The following ORC5 variants were observed in gnomAD, a reference collection of about 807,000 sequenced individuals.
The protein encoded by ORC5 is origin recognition complex subunit 5.
In ORC5, 39 loss-of-function variants were observed where a neutral mutation model predicts 58.8. The ratio of observed to expected loss-of-function variants is 0.66; its 90% CI spans 0.51 to 0.87. ORC5 has a LOEUF of 0.87. Ranked by LOEUF, ORC5 falls within the 40% of genes least tolerant of loss-of-function variation. The pLI, the probability that ORC5 is intolerant of heterozygous loss-of-function variation, is 0.00. For synonymous variants in ORC5, 218 were observed against 177.6 expected (o/e 1.23, Z -1.81); for missense variants, 493 against 506.3 (o/e 0.97, Z 0.25).
chr7:104,159,762 G>A lies in ORC5; in HGVS notation c.1149+1310C>T, dbSNP rs982382974. On this transcript the variant is annotated intron_variant, in intron 12 of 13. Coordinates refer to ENST00000297431, the MANE Select transcript of ORC5 (RefSeq NM_002553.4). ...TTACTCATTGCATCATATTGTAAAA[G>A]TTGTTTAATCTCTCTGACTTAATGT... Among the ~76,000 whole-genome samples the A allele has an allele frequency of 2.0e-5, 3 of 152,088 alleles. No homozygotes were observed. The East Asian group carries it at 5.8e-4, about 29-fold the overall frequency.
intron 5 of ORC5, among the ~76,000 whole-genome samples, chr7:104,190,444 G>A (rs887344490): frequency 2.0e-5 from 3 of 151,942 alleles, no homozygotes; most frequent in African/African-American, 7.3e-5. Context: ...TGTATAAAAC[G>A]TATTTTCTCC....
chr7:104,189,705 A>G lies in ORC5; in HGVS notation c.554-1324T>C, dbSNP rs147468986. ...CACACTCCAGCCCCACAGGGACAGA[A>G]GCTCCTGAGCTTGGGACCCCACTGG... On this transcript the variant is annotated intron_variant, in intron 5 of 13. Transcript: ENST00000297431. 1.6e-3 allele frequency among the ~76,000 whole-genome samples: 236 copies of G among 152,126 alleles called. 2 individuals carry two copies. Among genetic ancestry groups the G allele is most frequent in the Non-Finnish European group, 2.7e-3 (185 of 68,016 alleles).
At chr7:104,159,985 T>G (rs1798996745) in intron 12 of ORC5, among the ~76,000 whole-genome samples, 1 of 152,128 alleles carries the variant, frequency 6.6e-6, no homozygotes, top group Non-Finnish European at 1.5e-5. Flanking sequence ...GTAACACAAA[T>G]TAAAACTGAA....
intron 13 of ORC5, among the ~76,000 whole-genome samples, chr7:104,128,435 T>C (rs1798463143): frequency 6.6e-6 from 1 of 152,172 alleles, no homozygotes; most frequent in Non-Finnish European, 1.5e-5. Flanking sequence ...CACATGGTTT[T>C]TAAAAAATCG....
intron 12 of ORC5, 62 bp downstream of exon 12, chr7:104,161,010 T>C: frequency 5.6e-6 from 5 of 894,564 alleles, no homozygotes; most frequent in Admixed American, 1.9e-5. Context: ...TGGAATTCTA[T>C]TGACTCTACT....
chr7:104,177,758 T>G (rs1799352241), intron 8 of ORC5, among the ~76,000 whole-genome samples: 1 of 152,134 alleles, frequency 6.6e-6, no homozygotes, highest in African/African-American at 2.4e-5. Flanking sequence ...CAGTGTGTGA[T>G]GTTCCCCTCC....
intron 12 of ORC5, among the ~76,000 whole-genome samples, chr7:104,157,803 G>C (rs183736924): frequency 9.9e-5 from 15 of 152,202 alleles, no homozygotes; most frequent in African/African-American, 3.6e-4. Context: ...GGTGGCAGTA[G>C]TGTTACTATG....
intron 2 of ORC5, among the ~76,000 whole-genome samples, chr7:104,203,643 C>G (rs1444656586): frequency 6.6e-6 from 1 of 152,186 alleles, no homozygotes; most frequent in Non-Finnish European, 1.5e-5. Context: ...GAACATGAGT[C>G]TGCCAGACTC....
intron 12 of ORC5, among the ~76,000 whole-genome samples, chr7:104,155,614 A>G (rs1213794081): frequency 6.6e-6 from 1 of 151,624 alleles, no homozygotes; most frequent in Non-Finnish European, 1.5e-5. Flanking sequence ...AAATTAAAAC[A>G]TATTCCTTTT....
At chr7:104,148,252 C>T (rs1432193173) in intron 12 of ORC5, among the ~76,000 whole-genome samples, 4 of 152,202 alleles carry the variant, frequency 2.6e-5, no homozygotes, top group Non-Finnish European at 5.9e-5. Flanking sequence ...AAGAACAGCA[C>T]TGGCTTTGAA....
chr7:104,202,431 G>A (rs1298485118), intron 2 of ORC5: 1 of 415,900 alleles, frequency 2.4e-6, no homozygotes. Context: ...CTCCTTTACT[G>A]TCCTTTAAGA....
intron 2 of ORC5, among the ~76,000 whole-genome samples, chr7:104,201,185 G>C (rs1475458298): frequency 6.6e-6 from 1 of 152,166 alleles, no homozygotes; most frequent in African/African-American, 2.4e-5. Flanking sequence ...AGGGAGAATG[G>C]TGGGAGAGAA....
At chr7:104,158,170 T>C (rs534651230) in intron 12 of ORC5, among the ~76,000 whole-genome samples, 6 of 152,242 alleles carry the variant, frequency 3.9e-5, no homozygotes, top group African/African-American at 1.2e-4. Context: ...CAATCTAGAA[T>C]TGATCTCTTT....
chr7:104,186,470 A>T (rs10487190), intron 6 of ORC5, among the ~76,000 whole-genome samples: 22,425 of 152,094 alleles, frequency 0.15, 1,867 homozygotes, highest in South Asian at 0.22. Flanking sequence ...TATGAATAAC[A>T]GTTAAAAAGG....
chr7:104,199,562 T>C (rs1799886690), intron 3 of ORC5, among the ~76,000 whole-genome samples: 1 of 152,256 alleles, frequency 6.6e-6, no homozygotes, highest in South Asian at 2.1e-4. Flanking sequence ...AGCCCCTTTG[T>C]TTGGGCCAAT....
intron 9 of ORC5, chr7:104,167,845 T>C (rs1799133846): frequency 6.6e-6 from 1 of 152,176 alleles, no homozygotes; most frequent in African/African-American, 2.4e-5. Context: ...ATCTATCCCT[T>C]TTCCTAAAAA....
chr7:104,197,454 C>T (rs1799826477), intron 4 of ORC5, among the ~76,000 whole-genome samples: 1 of 152,026 alleles, frequency 6.6e-6, no homozygotes, highest in East Asian at 1.9e-4. Flanking sequence ...TGGCCCTCTG[C>T]CATTTATTCT....
rs1346637495 is a variant in ORC5 at position 104,165,270 on chromosome 7, T to C, written c.1003A>G (p.Ile335Val). The change falls in exon 11 of 14, where the codon ATC (isoleucine) becomes GTC (valine). Residue 335 changes from isoleucine (I) to valine (V), a missense_variant. By Grantham distance (29) the Ile-to-Val change is conservative. Around this residue, in one of 3 missense-constraint regions of ORC5, gnomAD observed 412 missense variants for 403.7 expected, o/e 1.02. Coordinates refer to ENST00000297431, the MANE Select transcript of ORC5 (RefSeq NM_002553.4). ...KRFFLKHHGK[I>V]KKTNFLKKHE... ...TTTTTTAGAAAGTTGGTTTTCTTGA[T>C]TTTTCCATGATGCTGCAATTAAGGA... 1.3e-6 allele frequency: 2 copies of C among 1,531,418 alleles called. No homozygotes were observed. Among genetic ancestry groups the C allele is most frequent in the Admixed American group, 1.9e-5 (1 of 54,028 alleles). The allele number at this position is 1,531,418 out of a possible 1,614,324, so 94.9% of individuals were successfully genotyped here.
intron 12 of ORC5, among the ~76,000 whole-genome samples, chr7:104,146,297 T>G (rs1396659873): frequency 6.6e-6 from 1 of 152,214 alleles, no homozygotes; most frequent in African/African-American, 2.4e-5. Flanking sequence ...CGTATTACCC[T>G]GCAATTGCAC....
Sources: gnomAD v4.1 joint callset for allele counts (sites outside exome capture counted in the v4.1 genomes callset) on GRCh38, gnomAD v4.1.1 for gene constraint, gnomAD v4.1.1 regional missense constraint, MANE v1.5 for transcripts, NCBI Gene and HGNC (gene_info 2026-07-23, HGNC 2026-07-21) for gene names.